The following MYO16 variants were observed in gnomAD, a reference collection of about 807,000 sequenced individuals.
The protein encoded by MYO16 is myosin XVI.
A neutral mutation model predicts 205.3 loss-of-function variants in MYO16; 94 were observed. The ratio of observed to expected loss-of-function variants is 0.46; its 90% CI spans 0.39 to 0.54. The LOEUF (loss-of-function observed/expected upper bound fraction) is 0.54, where lower values mean the gene tolerates loss of function less well. Ranked by LOEUF, MYO16 falls within the 20% of genes least tolerant of loss-of-function variation. The probability of loss-of-function intolerance (pLI) is 0.00; values close to 1 mark genes in which losing one functional copy is unlikely to be tolerated. For synonymous variants in MYO16, 988 were observed against 954.0 expected (o/e 1.04, Z -0.66); for missense variants, 2,315 against 2,387.5 (o/e 0.97, Z 0.63).
intron 5 of MYO16, among the ~76,000 whole-genome samples, chr13:108,790,504 C>T (rs969411441): frequency 1.6e-4 from 24 of 152,058 alleles, no homozygotes; most frequent in Admixed American, 7.9e-4. Context: ...AAAAACAATA[C>T]GAAAATCTAT....
intron 16 of MYO16, among the ~76,000 whole-genome samples, chr13:108,914,593 T>C (rs1232595286): frequency 6.6e-6 from 1 of 152,248 alleles, no homozygotes; most frequent in African/African-American, 2.4e-5. Context: ...AAAGGCATAT[T>C]CAATACTTAT....
At position 109,140,530 on chromosome 13, in the gene MYO16, C is replaced by G. The variant is rs1369816006; in HGVS notation, c.4318C>G (p.His1440Asp). Residue 1440 changes from histidine to aspartate, a missense_variant, in exon 32 of 35, where the codon CAC (histidine) becomes GAC (aspartate). Around this residue, in one of 3 missense-constraint regions of MYO16, gnomAD observed 1,097 missense variants for 1,092.0 expected, o/e 1.00. Coordinates refer to ENST00000457511, the MANE Select transcript of MYO16 (RefSeq NM_001198950.3). This position sits in a 1 kb window ranked among gnomAD's most constrained non-coding sequence, Gnocchi z 8.0. ...SEPVYIEMLG[H>D]AARPDSPDPG... is the part of the protein sequence containing the mutation. ...GCCTGTGTACATCGAGATGCTGGGGCACGCGGCCAGGCCCGATAGCCCGGA... is the reference window on the plus strand; with the variant it reads ...GCCTGTGTACATCGAGATGCTGGGGGACGCGGCCAGGCCCGATAGCCCGGA... 9.0e-6 allele frequency: 14 copies of G among 1,551,688 alleles called. No individual in the cohort carries two copies. The highest frequency in any genetic ancestry group is 1.2e-5 in the Non-Finnish European group (14 of 1,156,930).
At chr13:109,137,322 A>G (rs1876824050) in intron 31 of MYO16, among the ~76,000 whole-genome samples, 1 of 152,244 alleles carries the variant, frequency 6.6e-6, no homozygotes, top group Non-Finnish European at 1.5e-5. Context: ...TCACTGGGGC[A>G]GAGACAGAGA....
chr13:109,051,265 AT>A lies in MYO16; in HGVS notation c.2873-1028del, dbSNP rs1277928886. ...TGTTCGTTTATTACCTAATGTAGGGATTTTTTTAATGGAAAGCATTACAGAT... is the reference window on the plus strand; with the variant it reads ...TGTTCGTTTATTACCTAATGTAGGGATTTTTTAATGGAAAGCATTACAGAT... On this transcript the variant is annotated intron_variant, in intron 24 of 34. Coordinates refer to ENST00000457511, the MANE Select transcript of MYO16 (RefSeq NM_001198950.3). Among the ~76,000 whole-genome samples, 3 of 152,002 alleles carry A rather than the reference AT, an allele frequency of 2.0e-5. No homozygotes were observed. The East Asian group carries it at 5.8e-4, about 29-fold the overall frequency.
chr13:108,704,770 A>C (rs1883440144), intron 2 of MYO16, among the ~76,000 whole-genome samples: 1 of 152,132 alleles, frequency 6.6e-6, no homozygotes, highest in Non-Finnish European at 1.5e-5. Flanking sequence ...TTTATATTCA[A>C]AAATGAAAAA....
chr13:108,807,909 C>T (rs1013685341), intron 7 of MYO16, among the ~76,000 whole-genome samples: 3 of 151,994 alleles, frequency 2.0e-5, no homozygotes, highest in African/African-American at 7.3e-5. Flanking sequence ...CACATGAAAC[C>T]CACCTGAAAA....
Position 109,162,727 on chromosome 13 carries a change from A to G in MYO16, c.5165-2174A>G, listed in dbSNP as rs1324352249. On this transcript the variant is annotated intron_variant, in intron 32 of 34. Transcript: ENST00000457511. This position sits in a 1 kb window ranked among gnomAD's most constrained non-coding sequence, Gnocchi z 4.6. ...GTATCTGGCACATAGTAGGCACCCA[A>G]TAAATAACTGAATTAAAGAGTGCAA... Among the ~76,000 whole-genome samples the G allele has an allele frequency of 6.6e-6, 1 of 152,182 alleles. No homozygotes were observed. Among genetic ancestry groups the G allele is most frequent in the Non-Finnish European group, 1.5e-5 (1 of 68,026 alleles).
the MYO16 span, among the ~76,000 whole-genome samples, chr13:108,587,555 A>G: frequency 1.3e-5 from 2 of 152,220 alleles, no homozygotes; most frequent in Admixed American, 6.5e-5. Flanking sequence ...AAATTTTGAT[A>G]TTCTATAAAT....
At chr13:108,931,325 A>G (rs1012141183) in intron 16 of MYO16, among the ~76,000 whole-genome samples, 5 of 152,114 alleles carry the variant, frequency 3.3e-5, no homozygotes, top group Admixed American at 6.6e-5. Flanking sequence ...AATGCACTCC[A>G]TGCATCTCGC....
intron 20 of MYO16, among the ~76,000 whole-genome samples, chr13:108,974,217 A>G (rs575563027): frequency 1.3e-5 from 2 of 152,306 alleles, no homozygotes; most frequent in East Asian, 3.9e-4. Flanking sequence ...GATTTCAAAT[A>G]TAAGAGAATA....
rs777649658 is a variant in MYO16, at chr13:109,140,446, G to A, written c.4234G>A (p.Gly1412Arg). 3.2e-6 allele frequency: 5 copies of A among 1,550,366 alleles called. No individual in the cohort carries two copies. The East Asian group carries it at 7.3e-5, about 23-fold the overall frequency. ...GGCAGCAGCGCGCGTTCTGACCCCC[G>A]GGACTCCGCAGTGCGCGCTGCCCCC... The part of the protein sequence containing the change: ...PGAAARVLTP[G>R]TPQCALPPAA... Residue 1412 changes from glycine (G) to arginine (R), a missense_variant, in exon 32 of 35, where the codon GGG (glycine) becomes AGG (arginine). By Grantham distance (125) the Gly-to-Arg change is moderately radical. Transcript: ENST00000457511. This position sits in a 1 kb window ranked among gnomAD's most constrained non-coding sequence, Gnocchi z 8.0.
chr13:109,088,725 C>T (rs1185106103), intron 27 of MYO16, among the ~76,000 whole-genome samples: 1 of 152,224 alleles, frequency 6.6e-6, no homozygotes, highest in Non-Finnish European at 1.5e-5. Flanking sequence ...ATGCTCGGCA[C>T]CGCCACAGGC....
intron 4 of MYO16, chr13:108,779,694 A>G (rs1386296987): frequency 1.3e-5 from 2 of 151,316 alleles, no homozygotes; most frequent in African/African-American, 4.9e-5. Context: ...TGCTAGGGAA[A>G]CTCGCCCAGG....
chr13:109,122,646 C>T (rs961469584), intron 29 of MYO16, among the ~76,000 whole-genome samples: 5 of 146,832 alleles, frequency 3.4e-5, no homozygotes, highest in Admixed American at 6.8e-5. Flanking sequence ...GAGATCATGC[C>T]ATTGCACTCC....
At chr13:109,142,413 G>A (rs986067963) in intron 32 of MYO16, among the ~76,000 whole-genome samples, 4 of 151,424 alleles carry the variant, frequency 2.6e-5, no homozygotes, top group African/African-American at 7.4e-5. Context: ...GGTGAGGCAG[G>A]AGGATAGGGT....
At chr13:108,561,478 C>T in the MYO16 span, among the ~76,000 whole-genome samples, 1 of 152,308 alleles carries the variant, frequency 6.6e-6, no homozygotes, top group South Asian at 2.1e-4. Flanking sequence ...TTATAACTTT[C>T]TAATAGTTAC....
chr13:108,543,661 A>C, the MYO16 span, among the ~76,000 whole-genome samples: 2 of 150,512 alleles, frequency 1.3e-5, no homozygotes, highest in Non-Finnish European at 3.0e-5. Flanking sequence ...AAAAAAAAAA[A>C]AAGAAAAAAA....
At position 108,629,795 on chromosome 13, in the gene MYO16, C is replaced by T. The variant is rs754220180; in HGVS notation, c.-50C>T. On this transcript the variant is annotated 5_prime_UTR_variant, in exon 1 of 35. Transcript: ENST00000457511. ...CATTTCCTGGGAACGACAGTTGTGA[C>T]AGAAGAGAATGCTGGAACCCGTAGC... is the stretch of plus-strand genomic sequence containing the variant. 26 of 1,506,972 alleles carry T rather than the reference C, an allele frequency of 1.7e-5. No homozygotes were observed. In the African/African-American group the frequency reaches 2.5e-4, roughly 14 times the overall value. The allele number at this position is 1,506,972 out of a possible 1,614,324, so 93.4% of individuals were successfully genotyped here.
At chr13:108,564,878 A>G in the MYO16 span, among the ~76,000 whole-genome samples, 5 of 152,176 alleles carry the variant, frequency 3.3e-5, no homozygotes, top group African/African-American at 1.2e-4. Context: ...ATGGATATCC[A>G]GTTTTCCCAG....
Sources: allele counts gnomAD v4.1 joint callset (sites outside exome capture counted in the v4.1 genomes callset), GRCh38; gene constraint gnomAD v4.1.1; regional missense constraint gnomAD v4.1.1; non-coding constraint Gnocchi (gnomAD v3.1); transcripts MANE v1.5; gene names NCBI Gene and HGNC (gene_info 2026-07-23, HGNC 2026-07-21).